CMIP: variants seen among roughly 807,000 people sequenced by gnomAD.
CMIP encodes C-Maf-inducing protein.
Under a neutral mutation model 97.3 loss-of-function variants are expected in CMIP, and 13 were observed. The ratio of observed to expected loss-of-function variants is 0.13; its 90% CI spans 0.09 to 0.21. CMIP has a LOEUF of 0.21. Among genes scored for constraint, CMIP ranks in the 10% least tolerant of loss-of-function variants. The pLI is 1.00. For missense variants in CMIP, 847 were observed against 1,024.9 expected, an observed-to-expected ratio of 0.83 and a Z score of 2.37; for synonymous variants, 538 against 436.3, an observed-to-expected ratio of 1.23 and a Z score of -2.91.
chr16:81,679,012 G>C (rs141408748), intron 10 of CMIP, among the ~76,000 whole-genome samples: 26 of 152,392 alleles, frequency 1.7e-4, no homozygotes, highest in African/African-American at 6.0e-4. Context: ...GTTTGTGTGT[G>C]TGTGTGAGGA....
chr16:81,503,731 ATC>A (rs1406375293), intron 1 of CMIP, among the ~76,000 whole-genome samples: 3 of 152,166 alleles, frequency 2.0e-5, no homozygotes, highest in African/African-American at 7.2e-5. Context: ...TGGTCACCTT[ATC>A]TCACTGTGGA....
intron 1 of CMIP, among the ~76,000 whole-genome samples, chr16:81,555,509 A>C (rs902986073): frequency 3.3e-5 from 5 of 152,170 alleles, no homozygotes; most frequent in African/African-American, 9.6e-5. Flanking sequence ...TGTGCACAAC[A>C]AAAGGGTCTA....
At chr16:81,635,009 C>G (rs896934604) in intron 3 of CMIP, among the ~76,000 whole-genome samples, 3 of 152,172 alleles carry the variant, frequency 2.0e-5, no homozygotes, top group Non-Finnish European at 2.9e-5. Flanking sequence ...TGTGGTGTCC[C>G]TCACTGTATT....
intron 1 of CMIP, among the ~76,000 whole-genome samples, chr16:81,447,477 G>A (rs1905932094): frequency 6.6e-6 from 1 of 152,106 alleles, no homozygotes; most frequent in African/African-American, 2.4e-5. Context: ...GAGAGAAAGA[G>A]GGAAGGAAGA....
chr16:81,530,156 A>C (rs192445499), intron 1 of CMIP, among the ~76,000 whole-genome samples: 1 of 152,298 alleles, frequency 6.6e-6, no homozygotes, highest in Non-Finnish European at 1.5e-5. Flanking sequence ...CAGGGGGAAA[A>C]TCAGACTCAT....
chr16:81,526,998 C>T (rs1402198614), intron 1 of CMIP, among the ~76,000 whole-genome samples: 1 of 152,240 alleles, frequency 6.6e-6, no homozygotes, highest in Non-Finnish European at 1.5e-5. Flanking sequence ...AGGGCGTGAG[C>T]TTTGCAGTTT....
chr16:81,463,267 C>G (rs2150739682), intron 1 of CMIP, among the ~76,000 whole-genome samples: 1 of 152,242 alleles, frequency 6.6e-6, no homozygotes, highest in East Asian at 1.9e-4. Context: ...TTGGCTGGCC[C>G]CGATCTTTAG....
At chr16:81,493,030 C>T (rs1045533116) in intron 1 of CMIP, among the ~76,000 whole-genome samples, 2 of 152,104 alleles carry the variant, frequency 1.3e-5, no homozygotes, top group African/African-American at 4.8e-5. Flanking sequence ...TGGAAAGGAC[C>T]AGAATGCAGG....
chr16:81,669,219 T>C (rs1414490463), intron 7 of CMIP, among the ~76,000 whole-genome samples: 3 of 96,848 alleles, frequency 3.1e-5, no homozygotes, highest in African/African-American at 1.3e-4. Flanking sequence ...ACACTCACCT[T>C]CCACATCCAC....
rs2089717044 is a variant in CMIP, at chr16:81,506,789, C to T, written c.300+61248C>T. Among the ~76,000 whole-genome samples the T allele has an allele frequency of 2.0e-5, 3 of 151,868 alleles. No homozygotes were observed. The South Asian group carries it at 6.2e-4, about 31-fold the overall frequency. ...GTGTGGTGGTGTGCGCCTATAGCCCCAGCTATTTGGGAGGCTGAGGCAGGA... is the reference window on the plus strand; with the variant it reads ...GTGTGGTGGTGTGCGCCTATAGCCCTAGCTATTTGGGAGGCTGAGGCAGGA... On this transcript the variant is annotated intron_variant, in intron 1 of 20. Coordinates refer to ENST00000537098, the MANE Select transcript of CMIP (RefSeq NM_198390.3).
Position 81,702,606 on chromosome 16 carries a change from C to T in CMIP, c.1897-16C>T, listed in dbSNP as rs1379018307. ...GGGGAAAAGAATGGTTGTAACCAGC[C>T]TGGTTTCTGTTGCAGCAAAGGAAAG... On this transcript the variant is annotated splice_polypyrimidine_tract_variant and intron_variant, in intron 16 of 20. Transcript: ENST00000537098. 6.2e-7 allele frequency: 1 copy of T among 1,612,452 alleles called. No homozygotes were observed. Among genetic ancestry groups the T allele is most frequent in the African/African-American group, 1.3e-5 (1 of 74,972 alleles).
At chr16:81,532,643 A>G (rs1353027389) in intron 1 of CMIP, among the ~76,000 whole-genome samples, 1 of 152,102 alleles carries the variant, frequency 6.6e-6, no homozygotes, top group African/African-American at 2.4e-5. Context: ...CAGGAGACCC[A>G]CCTGGTGCCA....
At chr16:81,626,702 G>A (rs1227537643) in intron 3 of CMIP, among the ~76,000 whole-genome samples, 1 of 145,144 alleles carries the variant, frequency 6.9e-6, no homozygotes, top group Non-Finnish European at 1.5e-5. Flanking sequence ...GGGGTCATTT[G>A]TATGAGGGTG....
chr16:81,694,914 C>A (rs977449054), intron 13 of CMIP, among the ~76,000 whole-genome samples: 6 of 152,204 alleles, frequency 3.9e-5, no homozygotes, highest in African/African-American at 1.4e-4. Context: ...ATGTCAGGGA[C>A]CAGTGAGTGT....
At chr16:81,498,675 C>T (rs754632815) in intron 1 of CMIP, among the ~76,000 whole-genome samples, 28 of 152,206 alleles carry the variant, frequency 1.8e-4, no homozygotes, top group Non-Finnish European at 2.6e-4. Context: ...TGCATGCATA[C>T]ACCCCATGGT....
At chr16:81,476,030 A>G (rs373136531) in intron 1 of CMIP, 2 of 682,608 alleles carry the variant, frequency 2.9e-6, no homozygotes, top group Non-Finnish European at 2.7e-6. Flanking sequence ...ACTTTATTCA[A>G]GTTGTCCACA....
chr16:81,458,065 A>T (rs1369914311), intron 1 of CMIP, among the ~76,000 whole-genome samples: 45 of 152,316 alleles, frequency 3.0e-4, no homozygotes, highest in Non-Finnish European at 1.5e-4. Flanking sequence ...AGCATTAGAA[A>T]GTTTTGGCGT....
chr16:81,681,640 G>T (rs1384029731), intron 10 of CMIP, among the ~76,000 whole-genome samples: 1 of 152,222 alleles, frequency 6.6e-6, no homozygotes, highest in African/African-American at 2.4e-5. Flanking sequence ...ACTATTGAGG[G>T]CGAGATGCGT....
intron 1 of CMIP, among the ~76,000 whole-genome samples, chr16:81,498,764 C>T (rs1012874461): frequency 2.0e-5 from 3 of 152,200 alleles, no homozygotes; most frequent in East Asian, 1.9e-4. Flanking sequence ...CGTTTGCAAA[C>T]GGGCAGACAC....
Sources: gnomAD v4.1 joint callset for allele counts (sites outside exome capture counted in the v4.1 genomes callset) on GRCh38, gnomAD v4.1.1 for gene constraint, MANE v1.5 for transcripts, NCBI Gene and HGNC (gene_info 2026-07-23, HGNC 2026-07-21) for gene names.